Variants in FAM169A observed in about 807,000 individuals in gnomAD.
The protein encoded by FAM169A is family with sequence similarity 169 member A.
FAM169A carries 24 observed loss-of-function variants against 75.7 expected under a neutral mutation model. That is an observed-to-expected ratio of 0.32 (90% CI 0.23 to 0.45). The LOEUF (loss-of-function observed/expected upper bound fraction) is 0.45, where lower values mean the gene tolerates loss of function less well. FAM169A is among the 20% of genes least tolerant of loss of function. The pLI is 1.00. For synonymous variants in FAM169A, 271 were observed against 271.0 expected, an observed-to-expected ratio of 1.00 and a Z score of 0.00; for missense variants, 673 against 784.0, an observed-to-expected ratio of 0.86 and a Z score of 1.69.
intron 6 of FAM169A, among the ~76,000 whole-genome samples, chr5:74,812,290 A>AT (rs1301885819): frequency 6.6e-6 from 1 of 151,312 alleles, no homozygotes; most frequent in Non-Finnish European, 1.5e-5. Context: ...CACCCAGCTA[A>AT]TTTTTTTTGT....
Position 74,783,036 on chromosome 5 carries a change from A to C in FAM169A, c.1359T>G (p.Asp453Glu). The C allele has an allele frequency of 1.2e-6, 2 of 1,613,826 alleles. No individual in the cohort carries two copies. The highest frequency in any genetic ancestry group is 1.7e-6 in the Non-Finnish European group (2 of 1,179,694). Residue 453 changes from aspartate (D) to glutamate (E), a missense_variant, in exon 12 of 13, where the codon GAT becomes GAG. Transcript: ENST00000687041. ...TAAAAGGCTGCAATTTTAATTCTTC[A>C]TCTAAAACTTCACTAGTGGAGTCTT... The part of the protein sequence containing the change: ...EEEDSTSEVL[D>E]EELKLQPFNS...
chr5:74,781,387 TATTA>T lies in FAM169A; in HGVS notation c.*69_*72del. The T allele has an allele frequency of 6.9e-7, 1 of 1,444,660 alleles. No homozygotes were observed. Among genetic ancestry groups the T allele is most frequent in the Non-Finnish European group, 9.4e-7 (1 of 1,060,544 alleles). The allele number at this position is 1,444,660 out of a possible 1,614,324, so 89.5% of individuals were successfully genotyped here. A position where few individuals can be genotyped will look rare whatever the true frequency, so the allele number is the denominator to read the frequency against. ...TTTTTGTCCTGTGCCCCATGCTGTT[TATTA>T]ATTACCATATTTTAAAAACAACAAC... On this transcript the variant is annotated 3_prime_UTR_variant, in exon 13 of 13. Transcript: ENST00000687041.
chr5:74,783,410 C>T (rs1367978952), intron 11 of FAM169A, among the ~76,000 whole-genome samples: 2 of 152,240 alleles, frequency 1.3e-5, no homozygotes, highest in South Asian at 2.1e-4. Flanking sequence ...CAGTATGGGT[C>T]GGAGATTCAA....
At chr5:74,860,709 C>T (rs1192798171) in intron 1 of FAM169A, among the ~76,000 whole-genome samples, 5 of 151,452 alleles carry the variant, frequency 3.3e-5, no homozygotes, top group African/African-American at 1.2e-4. Context: ...ATAGCCAAGG[C>T]TTATAGTTAG....
chr5:74,866,826 T>G (rs532463286), upstream of FAM169A: 1 of 985,384 alleles, frequency 1.0e-6, no homozygotes, highest in Admixed American at 6.1e-5. Flanking sequence ...TTACCCAGAG[T>G]GGGCGCGGCC....
At chr5:74,828,701 G>A (rs1047548626) in intron 5 of FAM169A, among the ~76,000 whole-genome samples, 1 of 152,170 alleles carries the variant, frequency 6.6e-6, no homozygotes, top group African/African-American at 2.4e-5. Flanking sequence ...TGGCATCTTA[G>A]GATTCAGTTA....
upstream of FAM169A, chr5:74,866,598 C>G (rs1379220360): frequency 1.6e-6 from 1 of 624,152 alleles, no homozygotes; most frequent in African/African-American, 2.0e-5. Flanking sequence ...CGCGCCCCCT[C>G]TCTCCGCCCC....
At chr5:74,824,751 T>C (rs952050708) in intron 5 of FAM169A, among the ~76,000 whole-genome samples, 1 of 151,672 alleles carries the variant, frequency 6.6e-6, no homozygotes, top group African/African-American at 2.4e-5. Context: ...AAACACACTT[T>C]CTACACCCCA....
At chr5:74,786,758 CA>C (rs1361801664) in intron 11 of FAM169A, among the ~76,000 whole-genome samples, 1 of 152,134 alleles carries the variant, frequency 6.6e-6, no homozygotes, top group African/African-American at 2.4e-5. Flanking sequence ...TGTGGAAAAT[CA>C]GACACAACCT....
chr5:74,834,298 G>A (rs541098112), intron 5 of FAM169A, 128 bp downstream of exon 5: 1 of 487,164 alleles, frequency 2.1e-6, no homozygotes, highest in Non-Finnish European at 3.3e-6. Flanking sequence ...GTACTCCCAA[G>A]AAATACTAAT....
intron 11 of FAM169A, among the ~76,000 whole-genome samples, chr5:74,788,735 A>C (rs1745822911): frequency 6.6e-6 from 1 of 152,024 alleles, no homozygotes; most frequent in Non-Finnish European, 1.5e-5. Flanking sequence ...AAAAATAGTC[A>C]ATCAAACACA....
At chr5:74,812,700 A>G (rs1211193390) in intron 6 of FAM169A, among the ~76,000 whole-genome samples, 2 of 152,202 alleles carry the variant, frequency 1.3e-5, no homozygotes, top group Admixed American at 6.5e-5. Context: ...GAAGATATAC[A>G]AATAACCATT....
intron 5 of FAM169A, among the ~76,000 whole-genome samples, chr5:74,814,421 C>T (rs1747365870): frequency 6.6e-6 from 1 of 151,948 alleles, no homozygotes; most frequent in Non-Finnish European, 1.5e-5. Flanking sequence ...ACCTGAATAT[C>T]CTTTTTTTTT....
At chr5:74,847,551 C>T (rs1330013289) in intron 1 of FAM169A, among the ~76,000 whole-genome samples, 8 of 152,062 alleles carry the variant, frequency 5.3e-5, no homozygotes, top group African/African-American at 1.9e-4. Flanking sequence ...AATATTAAGA[C>T]CTATGAAACC....
chr5:74,834,824 C>T (rs1460131194), intron 4 of FAM169A, among the ~76,000 whole-genome samples: 3 of 151,972 alleles, frequency 2.0e-5, no homozygotes, highest in African/African-American at 7.3e-5. Flanking sequence ...TACTGCCTTT[C>T]AACAAAATTC....
intron 2 of FAM169A, 86 bp downstream of exon 2, chr5:74,841,459 T>C (rs1030773509): frequency 1.2e-4 from 128 of 1,077,390 alleles, no homozygotes; most frequent in Admixed American, 5.3e-4. Flanking sequence ...GATTAACACT[T>C]AAAATGATTT....
Position 74,840,181 on chromosome 5 carries a change from G to A in FAM169A, c.133-8C>T, listed in dbSNP as rs1305402004. 2.9e-6 allele frequency: 4 copies of A among 1,389,782 alleles called. No homozygotes were observed. The highest frequency in any genetic ancestry group is 3.0e-6 in the Non-Finnish European group (3 of 1,008,494). 86.1% of individuals were successfully genotyped at this position (1,389,782 alleles called of 1,614,324 possible). On this transcript the variant is annotated splice_region_variant and splice_polypyrimidine_tract_variant and intron_variant, in intron 2 of 12. Transcript: ENST00000687041. ...TGACAGGCTAATAGGAATCTGAAATGACAAATTAATAAAGATTAGTGAACA... is the reference window on the plus strand; with the variant it reads ...TGACAGGCTAATAGGAATCTGAAATAACAAATTAATAAAGATTAGTGAACA...
chr5:74,799,226 T>C (rs1746439050), intron 10 of FAM169A: 1 of 1,390,218 alleles, frequency 7.2e-7, no homozygotes. Flanking sequence ...AATGCCTATG[T>C]CTGGAGTCAG....
At chr5:74,818,493 C>T (rs1011769556) in intron 5 of FAM169A, among the ~76,000 whole-genome samples, 3 of 152,020 alleles carry the variant, frequency 2.0e-5, no homozygotes, top group African/African-American at 4.8e-5. Flanking sequence ...GAATTCTACA[C>T]CATAAAAAAG....
Sources: gnomAD v4.1 joint callset for allele counts (sites outside exome capture counted in the v4.1 genomes callset) on GRCh38, gnomAD v4.1.1 for gene constraint, MANE v1.5 for transcripts, NCBI Gene and HGNC (gene_info 2026-07-23, HGNC 2026-07-21) for gene names.